SMIM14: variants seen among roughly 807,000 people sequenced by gnomAD.
SMIM14 encodes small integral membrane protein 14, also known as chromosome 4 open reading frame 34.
Under a neutral mutation model 12.6 loss-of-function variants are expected in SMIM14, and 5 were observed. The ratio of observed to expected loss-of-function variants is 0.40; its 90% CI spans 0.21 to 0.83. SMIM14 has a LOEUF of 0.83. SMIM14 is among the 40% of genes least tolerant of loss of function. The pLI, the probability that SMIM14 is intolerant of heterozygous loss-of-function variation, is 0.37. For synonymous variants in SMIM14, 30 were observed against 40.1 expected, an observed-to-expected ratio of 0.75 and a Z score of 0.95; for missense variants, 86 against 119.1, an observed-to-expected ratio of 0.72 and a Z score of 1.29.
intron 1 of SMIM14, among the ~76,000 whole-genome samples, chr4:39,635,663 A>G (rs1417909042): frequency 6.6e-6 from 1 of 152,238 alleles, no homozygotes; most frequent in Non-Finnish European, 1.5e-5. Context: ...TAATCATCCA[A>G]GAGATGCAAA....
intron 2 of SMIM14, among the ~76,000 whole-genome samples, chr4:39,582,315 T>C (rs1560292050): frequency 6.6e-6 from 1 of 152,176 alleles, no homozygotes; most frequent in Non-Finnish European, 1.5e-5. Context: ...GATCTTTCCT[T>C]TGCAGCAAAT....
chr4:39,624,191 C>A (rs974224431), intron 1 of SMIM14, among the ~76,000 whole-genome samples: 1 of 152,148 alleles, frequency 6.6e-6, no homozygotes, highest in African/African-American at 2.4e-5. Flanking sequence ...ACTGGTTATT[C>A]TTTTAACACA....
intron 1 of SMIM14, among the ~76,000 whole-genome samples, chr4:39,611,275 G>A (rs1715019983): frequency 6.6e-6 from 1 of 152,220 alleles, no homozygotes. Flanking sequence ...GGAGGCCAAG[G>A]CAGGCAGATC....
At chr4:39,563,222 G>A (rs1364562357) in intron 3 of SMIM14, among the ~76,000 whole-genome samples, 3 of 151,832 alleles carry the variant, frequency 2.0e-5, no homozygotes, top group African/African-American at 4.8e-5. Flanking sequence ...CTCCACACCC[G>A]GCTAATTTTT....
intron 1 of SMIM14, among the ~76,000 whole-genome samples, chr4:39,609,031 C>T (rs1439552320): frequency 6.6e-6 from 1 of 152,134 alleles, no homozygotes; most frequent in East Asian, 1.9e-4. Context: ...GGCTGGAGTG[C>T]AGTGTCATGA....
chr4:39,592,909 T>C (rs1016676650), intron 2 of SMIM14: 2 of 152,026 alleles, frequency 1.3e-5, no homozygotes, highest in African/African-American at 4.8e-5. Context: ...TGGCAATAAT[T>C]AATAGCTTAC....
At chr4:39,632,881 C>T (rs879635637) in intron 1 of SMIM14, among the ~76,000 whole-genome samples, 2 of 146,606 alleles carry the variant, frequency 1.4e-5, no homozygotes, top group Non-Finnish European at 3.0e-5. Flanking sequence ...TCAAAAAATA[C>T]CAAAAATAAA....
At chr4:39,556,234 T>C (rs1053680311) in intron 4 of SMIM14, among the ~76,000 whole-genome samples, 194 bp downstream of exon 4, 6 of 152,186 alleles carry the variant, frequency 3.9e-5, no homozygotes, top group African/African-American at 1.2e-4. Context: ...TCTTTCTGCA[T>C]TTAACTCCAT....
chr4:39,591,120 T>C (rs141707010), intron 2 of SMIM14, among the ~76,000 whole-genome samples: 191 of 152,166 alleles, frequency 1.3e-3, no homozygotes, highest in African/African-American at 4.4e-3. Flanking sequence ...CATAGACAAA[T>C]TGTCTCTAGG....
chr4:39,552,212 A>T, intron 4 of SMIM14, 54 bp from the exon 5 acceptor site: 3 of 1,435,812 alleles, frequency 2.1e-6, no homozygotes, highest in Non-Finnish European at 2.8e-6. Context: ...ATTCAAAAAA[A>T]TTTAAAATTT....
intron 1 of SMIM14, chr4:39,612,208 T>C (rs951910241): frequency 6.6e-6 from 1 of 152,200 alleles, no homozygotes; most frequent in Non-Finnish European, 1.5e-5. Flanking sequence ...CCTACCCTTA[T>C]ATGTAAAGTT....
intron 2 of SMIM14, among the ~76,000 whole-genome samples, chr4:39,599,933 CAAA>C (rs56285045): frequency 2.6e-4 from 30 of 115,070 alleles, no homozygotes; most frequent in Non-Finnish European, 3.5e-4. Context: ...AAAACAACAA[CAAA>C]AAAAAAAAAA....
intron 1 of SMIM14, among the ~76,000 whole-genome samples, chr4:39,616,427 G>C (rs958172605): frequency 3.9e-5 from 6 of 152,038 alleles, no homozygotes; most frequent in Non-Finnish European, 1.5e-5. Context: ...GAGCCACCGC[G>C]CCTGGCCACA....
chr4:39,564,741 T>C (rs1221299602), intron 3 of SMIM14, among the ~76,000 whole-genome samples: 1 of 152,170 alleles, frequency 6.6e-6, no homozygotes, highest in Non-Finnish European at 1.5e-5. Context: ...GAAGGCACTC[T>C]GGAGTGAAAA....
Position 39,574,912 on chromosome 4 carries a change from T to C in SMIM14, c.76-2449A>G, listed in dbSNP as rs763344929. 2.0e-5 allele frequency among the ~76,000 whole-genome samples: 3 copies of C among 152,068 alleles called. No homozygotes were observed. The South Asian group carries it at 6.2e-4, about 32-fold the overall frequency. ...ACTTTGGGAAGCCAAGGCAGGAGGA[T>C]AGCTTAAACCTAGGAGTTTGAGACC... On this transcript the variant is annotated intron_variant, in intron 2 of 4. Transcript: ENST00000295958.
At chr4:39,606,259 T>C (rs535348494) in intron 1 of SMIM14, among the ~76,000 whole-genome samples, 2 of 151,798 alleles carry the variant, frequency 1.3e-5, no homozygotes, top group East Asian at 2.0e-4. Flanking sequence ...GGTGGGAGGA[T>C]TGCTTGAGCC....
chr4:39,556,372 C>T, intron 4 of SMIM14, 56 bp downstream of exon 4: 3 of 1,542,618 alleles, frequency 1.9e-6, no homozygotes, highest in Non-Finnish European at 2.6e-6. Flanking sequence ...TCCTTCCCTG[C>T]CCCAGGCCAC....
intron 1 of SMIM14, among the ~76,000 whole-genome samples, chr4:39,620,221 T>C (rs991134036): frequency 4.7e-5 from 7 of 150,308 alleles, no homozygotes; most frequent in Middle Eastern, 7.1e-3. Context: ...GGCTCACGCC[T>C]GTAATCCCAG....
intron 2 of SMIM14, among the ~76,000 whole-genome samples, chr4:39,603,170 C>T (rs966435186): frequency 3.3e-5 from 5 of 152,128 alleles, no homozygotes; most frequent in East Asian, 3.8e-4. Context: ...CCAAGCATTT[C>T]GGATAAGGGA....
Sources: gnomAD v4.1 joint callset for allele counts (sites outside exome capture counted in the v4.1 genomes callset) on GRCh38, gnomAD v4.1.1 for gene constraint, MANE v1.5 for transcripts, NCBI Gene and HGNC (gene_info 2026-07-23, HGNC 2026-07-21) for gene names.